Variants in LRRTM3 observed in about 807,000 individuals in gnomAD.
LRRTM3 encodes the protein leucine-rich repeat transmembrane neuronal protein 3.
Under a neutral mutation model 44.7 loss-of-function variants are expected in LRRTM3, and 24 were observed. The observed-to-expected ratio is 0.54, with a 90% CI of 0.39 to 0.76. The LOEUF (loss-of-function observed/expected upper bound fraction) is 0.76. LRRTM3 is among the 30% of genes least tolerant of loss of function. The pLI is 0.00. For missense variants in LRRTM3, 587 were observed against 702.2 expected, an observed-to-expected ratio of 0.84 and a Z score of 1.85; for synonymous variants, 277 against 278.7, an observed-to-expected ratio of 0.99 and a Z score of 0.06.
intron 2 of LRRTM3, among the ~76,000 whole-genome samples, chr10:67,005,059 G>T (rs1925617): frequency 0.52 from 79,672 of 152,036 alleles, 21,588 homozygotes; most frequent in Middle Eastern, 0.73. Flanking sequence ...CACAATGTGG[G>T]ATTGGTGTTT....
At chr10:66,944,426 A>G (rs1373871212) in intron 2 of LRRTM3, among the ~76,000 whole-genome samples, 1 of 152,110 alleles carries the variant, frequency 6.6e-6, no homozygotes, top group Non-Finnish European at 1.5e-5. Flanking sequence ...ATCTTCAGTT[A>G]CTTCCTCCAC....
At chr10:66,940,300 G>A (rs1847931710) in intron 2 of LRRTM3, among the ~76,000 whole-genome samples, 1 of 152,040 alleles carries the variant, frequency 6.6e-6, no homozygotes, top group African/African-American at 2.4e-5. Context: ...CTCAAGACCA[G>A]TCTGGAAACA....
chr10:67,088,980 C>T (rs1301660250), intron 2 of LRRTM3, among the ~76,000 whole-genome samples: 3 of 151,864 alleles, frequency 2.0e-5, no homozygotes, highest in Non-Finnish European at 4.4e-5. Flanking sequence ...AGTATAATGA[C>T]TACTTAGATA....
At chr10:67,010,636 C>A (rs1346783248) in intron 2 of LRRTM3, among the ~76,000 whole-genome samples, 1 of 152,162 alleles carries the variant, frequency 6.6e-6, no homozygotes, top group Non-Finnish European at 1.5e-5. Flanking sequence ...TCACTTCCAG[C>A]AAGTTTCTGC....
rs1858211961 is a variant in LRRTM3, at chr10:67,099,537, A to C, written c.*1741A>C. ...CAAAGAAGTTATATCTATAAAATCT[A>C]GTTTTATGCAGGTTTGTCACAGCAA... On this transcript the variant is annotated 3_prime_UTR_variant, in exon 3 of 3. Transcript: ENST00000361320. 3 of 152,266 alleles carry C rather than the reference A, an allele frequency of 2.0e-5. No homozygotes were observed. In the Admixed American group the frequency reaches 2.0e-4, roughly 10 times the overall value. The allele number at this position is 152,266 out of a possible 1,614,324, so 9.4% of individuals were successfully genotyped here. A position where few individuals can be genotyped will look rare whatever the true frequency, so the allele number is the denominator to read the frequency against.
intron 2 of LRRTM3, among the ~76,000 whole-genome samples, chr10:67,083,080 G>A (rs913481822): frequency 1.3e-5 from 2 of 152,012 alleles, no homozygotes; most frequent in Admixed American, 6.5e-5. Flanking sequence ...GTGATCAGGG[G>A]ACCAGTGAGC....
At chr10:67,040,334 T>C (rs1206496990) in intron 2 of LRRTM3, among the ~76,000 whole-genome samples, 4 of 152,094 alleles carry the variant, frequency 2.6e-5, no homozygotes, top group African/African-American at 7.2e-5. Flanking sequence ...AATTTTGTGA[T>C]GGAGAGAGAA....
chr10:66,943,197 C>T (rs371127378), intron 2 of LRRTM3, among the ~76,000 whole-genome samples: 10 of 152,106 alleles, frequency 6.6e-5, no homozygotes, highest in East Asian at 3.9e-4. Flanking sequence ...AGAGCAGAGA[C>T]GAGAAAAGCT....
chr10:67,097,348 T>A (rs180679034), intron 2 of LRRTM3, among the ~76,000 whole-genome samples: 205 of 152,012 alleles, frequency 1.3e-3, no homozygotes, highest in African/African-American at 4.7e-3. Flanking sequence ...TGTAGGCTAC[T>A]ACTTATCCAA....
At chr10:66,983,318 G>A (rs1485994106) in intron 2 of LRRTM3, among the ~76,000 whole-genome samples, 1 of 152,050 alleles carries the variant, frequency 6.6e-6, no homozygotes, top group Admixed American at 6.5e-5. Context: ...TAAGACCCTG[G>A]TGCATTATGC....
intron 2 of LRRTM3, among the ~76,000 whole-genome samples, chr10:67,014,586 T>A (rs1564832236): frequency 1.3e-5 from 2 of 152,140 alleles, no homozygotes; most frequent in Non-Finnish European, 2.9e-5. Flanking sequence ...TATAATGTAT[T>A]TGCCAAAGAC....
intron 2 of LRRTM3, among the ~76,000 whole-genome samples, chr10:67,020,837 G>C (rs1460163145): frequency 6.6e-6 from 1 of 152,168 alleles, no homozygotes; most frequent in Non-Finnish European, 1.5e-5. Context: ...GAACAGAGGG[G>C]CTTCAGATGA....
chr10:67,085,170 C>T (rs1332796919), intron 2 of LRRTM3, among the ~76,000 whole-genome samples: 1 of 151,862 alleles, frequency 6.6e-6, no homozygotes, highest in Non-Finnish European at 1.5e-5. Context: ...TCAAGAATAA[C>T]ACCTCACATT....
At chr10:67,017,752 T>TGCGC (rs1491269527) in intron 2 of LRRTM3, among the ~76,000 whole-genome samples, 1 of 145,848 alleles carries the variant, frequency 6.9e-6, no homozygotes, top group African/African-American at 2.6e-5. Context: ...TGTGTGTGTG[T>TGCGC]GCGCGCGTAC....
chr10:67,047,210 G>A (rs566470557), intron 2 of LRRTM3, among the ~76,000 whole-genome samples: 2 of 152,074 alleles, frequency 1.3e-5, no homozygotes, highest in Non-Finnish European at 2.9e-5. Context: ...ATTTTTTCTG[G>A]AGCCTTATGG....
chr10:66,993,237 G>T (rs1449560293), intron 2 of LRRTM3, among the ~76,000 whole-genome samples: 1 of 152,128 alleles, frequency 6.6e-6, no homozygotes, highest in Non-Finnish European at 1.5e-5. Context: ...GCTTTGGAAA[G>T]CATGATAGGT....
intron 2 of LRRTM3, among the ~76,000 whole-genome samples, chr10:67,037,954 A>G (rs1454941650): frequency 1.3e-5 from 2 of 152,154 alleles, no homozygotes; most frequent in African/African-American, 4.8e-5. Flanking sequence ...AGGCAGAGAA[A>G]TAATTGTTCA....
chr10:67,059,432 T>A (rs943936136), intron 2 of LRRTM3, among the ~76,000 whole-genome samples: 36 of 152,064 alleles, frequency 2.4e-4, no homozygotes, highest in Non-Finnish European at 7.4e-5. Flanking sequence ...TGGAGGGGTA[T>A]TTGGGCACAG....
intron 2 of LRRTM3, among the ~76,000 whole-genome samples, chr10:67,082,863 A>T (rs2131884677): frequency 6.6e-6 from 1 of 152,306 alleles, no homozygotes; most frequent in East Asian, 1.9e-4. Flanking sequence ...CCACAATATT[A>T]TGAGTCAAGC....
Sources: allele counts gnomAD v4.1 joint callset (sites outside exome capture counted in the v4.1 genomes callset), GRCh38; gene constraint gnomAD v4.1.1; transcripts MANE v1.5; gene names NCBI Gene and HGNC (gene_info 2026-07-23, HGNC 2026-07-21).